Variants in PHTF2 observed in about 807,000 individuals in gnomAD.
PHTF2 encodes putative homeodomain transcription factor 2, also known as protein PHTF2.
PHTF2 carries 60 observed loss-of-function variants against 101.2 expected under a neutral mutation model. That is an observed-to-expected ratio of 0.59 (90% CI 0.48 to 0.73). The LOEUF (loss-of-function observed/expected upper bound fraction) is 0.73, where lower values mean the gene tolerates loss of function less well. PHTF2 is among the 30% of genes least tolerant of loss of function. The probability of loss-of-function intolerance (pLI) is 0.00; values close to 1 mark genes in which losing one functional copy is unlikely to be tolerated. For missense variants in PHTF2, 747 were observed against 908.7 expected, an observed-to-expected ratio of 0.82 and a Z score of 2.29; for synonymous variants, 311 against 307.3, an observed-to-expected ratio of 1.01 and a Z score of -0.13.
rs1801362382 is a variant in PHTF2, at chr7:77,901,248, A to ATCTGTCTGTC, written c.286+469_286+470insCTGTCTGTCT. Among the ~76,000 whole-genome samples, 5 of 152,252 alleles carry ATCTGTCTGTC rather than the reference A, an allele frequency of 3.3e-5. No homozygotes were observed. The South Asian group carries it at 6.2e-4, about 19-fold the overall frequency. On this transcript the variant is annotated intron_variant, in intron 6 of 19. Transcript: ENST00000416283. ...TGAATGGGGACTGATATTCCAAACT[A>ATCTGTCTGTC]TATCAGATATCTATCTGTCTGTCTA...
chr7:77,866,267 A>G (rs368302646), intron 3 of PHTF2, among the ~76,000 whole-genome samples: 3 of 152,094 alleles, frequency 2.0e-5, no homozygotes, highest in East Asian at 1.9e-4. Flanking sequence ...CATGATGTTA[A>G]TAAGTATTAG....
rs1484983097 is a variant in PHTF2 at position 77,908,759 on chromosome 7, T to A, written c.446-34T>A. On this transcript the variant is annotated intron_variant, in intron 7 of 19. Transcript: ENST00000416283. ...GTTTTGAAGAGGTGACTATCAGATC[T>A]ATAATTAAGCATATTTTCTTTCCCT... 4 of 1,405,252 alleles carry A rather than the reference T, an allele frequency of 2.8e-6. No individual in the cohort carries two copies. In the East Asian group the frequency reaches 7.3e-5, roughly 26 times the overall value. 87.0% of individuals were successfully genotyped at this position (1,405,252 alleles called of 1,614,324 possible).
chr7:77,956,742 CA>C (rs1255417370), exon 20 of PHTF2: 1 of 152,522 alleles, frequency 6.6e-6, no homozygotes, highest in African/African-American at 2.4e-5. Context: ...AAAAGTACGG[CA>C]TGAGTTCTGT....
At chr7:77,942,973 A>G (rs1284966833) in intron 16 of PHTF2, among the ~76,000 whole-genome samples, 187 bp downstream of exon 15, 2 of 152,242 alleles carry the variant, frequency 1.3e-5, no homozygotes, top group Non-Finnish European at 2.9e-5. Flanking sequence ...GTGAGCATGT[A>G]TGCTCAAATG....
At chr7:77,956,225 T>C (rs147299740) in exon 20 of PHTF2, 1,776 of 152,696 alleles carry the variant, frequency 0.012, 18 homozygotes, top group Non-Finnish European at 0.018. Context: ...TGGTGCAAAG[T>C]GTATCATGTG....
At chr7:77,840,270 C>T in exon 2 of PHTF2, 3 of 1,609,522 alleles carry the variant, frequency 1.9e-6, no homozygotes, top group Non-Finnish European at 1.7e-6. Context: ...CGTCCAAAGT[C>T]ACAGATGCTA....
At chr7:77,892,557 T>C in intron 3 of PHTF2, among the ~76,000 whole-genome samples, 1 of 152,350 alleles carries the variant, frequency 6.6e-6, no homozygotes, top group Non-Finnish European at 1.5e-5. Flanking sequence ...TGTAGTTATC[T>C]GAAATATTTT....
At chr7:77,946,414 T>C (rs1806053352) in intron 16 of PHTF2, among the ~76,000 whole-genome samples, 1 of 152,114 alleles carries the variant, frequency 6.6e-6, no homozygotes, top group East Asian at 1.9e-4. Flanking sequence ...CAGCATTTGA[T>C]GGAGGGTATT....
intron 18 of PHTF2, among the ~76,000 whole-genome samples, chr7:77,952,867 T>G (rs1806672668): frequency 6.6e-6 from 1 of 152,228 alleles, no homozygotes; most frequent in African/African-American, 2.4e-5. Context: ...TCAAGTCCGC[T>G]GATTCAGTCT....
At chr7:77,941,561 A>T (rs755664176) in intron 15 of PHTF2, among the ~76,000 whole-genome samples, 31 of 152,170 alleles carry the variant, frequency 2.0e-4, no homozygotes, top group Non-Finnish European at 5.9e-5. Flanking sequence ...CTACCCTCAT[A>T]CGTAAGCTTA....
At chr7:77,932,023 C>T (rs1804614772) in intron 12 of PHTF2, among the ~76,000 whole-genome samples, 1 of 152,138 alleles carries the variant, frequency 6.6e-6, no homozygotes, top group Non-Finnish European at 1.5e-5. Context: ...TCACTTGAAC[C>T]TGGGAGGCAG....
rs562232078 is a variant in PHTF2, at chr7:77,915,260, C to T, written c.776+4851C>T. On this transcript the variant is annotated intron_variant, in intron 9 of 19. Transcript: ENST00000416283. ...TTTGAGATGGCGTCTCACTCTGTTG[C>T]CAGGCTGGAGTGCAGTGGTGCAATC... is the stretch of plus-strand genomic sequence containing the variant. Among the ~76,000 whole-genome samples the T allele has an allele frequency of 1.1e-4, 17 of 151,346 alleles. 1 individual carries two copies. The South Asian group carries it at 3.3e-3, about 30-fold the overall frequency.
At chr7:77,802,816 C>A (rs1177566935) in intron 1 of PHTF2, among the ~76,000 whole-genome samples, 1 of 152,216 alleles carries the variant, frequency 6.6e-6, no homozygotes, top group African/African-American at 2.4e-5. Context: ...CAGATATAAG[C>A]CACCACTCCT....
chr7:77,814,535 CAG>C (rs1184621117), intron 1 of PHTF2, among the ~76,000 whole-genome samples: 3 of 145,384 alleles, frequency 2.1e-5, no homozygotes, highest in African/African-American at 5.1e-5. Flanking sequence ...TTTTTTGAGA[CAG>C]AGTCTTACTC....
chr7:77,913,632 G>A (rs1802619421), intron 9 of PHTF2, among the ~76,000 whole-genome samples: 1 of 151,918 alleles, frequency 6.6e-6, no homozygotes, highest in Admixed American at 6.6e-5. Flanking sequence ...CAGCAAACAG[G>A]AATTACAGCT....
chr7:77,866,513 G>A (rs1235260603), intron 3 of PHTF2, among the ~76,000 whole-genome samples: 1 of 152,072 alleles, frequency 6.6e-6, no homozygotes, highest in African/African-American at 2.4e-5. Context: ...GTAAAAGAGT[G>A]TGGTGCAGTG....
Position 77,940,671 on chromosome 7 carries a change from G to A in PHTF2, c.1872+12G>A. The A allele has an allele frequency of 6.4e-7, 1 of 1,571,798 alleles. No homozygotes were observed. Among genetic ancestry groups the A allele is most frequent in the African/African-American group, 1.4e-5 (1 of 73,408 alleles). On this transcript the variant is annotated intron_variant, in intron 15 of 19. Transcript: ENST00000416283. ...GTTCCTATCTTAAGGTAGAATGGGA[G>A]TGATAAAAGTAGCTTTAACATGCTG...
chr7:77,903,580 C>T (rs1375053793), intron 7 of PHTF2, among the ~76,000 whole-genome samples: 1 of 152,172 alleles, frequency 6.6e-6, no homozygotes, highest in Non-Finnish European at 1.5e-5. Flanking sequence ...AAATAGGGAA[C>T]ACGGGTTAGA....
At chr7:77,901,261 A>G (rs972153154) in intron 6 of PHTF2, among the ~76,000 whole-genome samples, 2 of 152,254 alleles carry the variant, frequency 1.3e-5, no homozygotes, top group Admixed American at 6.5e-5. Flanking sequence ...TCAGATATCT[A>G]TCTGTCTGTC....
Sources: allele counts gnomAD v4.1 joint callset (sites outside exome capture counted in the v4.1 genomes callset), GRCh38; gene constraint gnomAD v4.1.1; transcripts MANE v1.5; gene names NCBI Gene and HGNC (gene_info 2026-07-23, HGNC 2026-07-21).